RGS3: variants seen among roughly 807,000 people sequenced by gnomAD.
RGS3 encodes regulator of G-protein signalling 3.
Under a neutral mutation model 132.6 loss-of-function variants are expected in RGS3, and 80 were observed. The ratio of observed to expected loss-of-function variants is 0.60; its 90% CI spans 0.50 to 0.73. RGS3 has a LOEUF of 0.73. Ranked by LOEUF, RGS3 falls within the 30% of genes least tolerant of loss-of-function variation. The probability of loss-of-function intolerance (pLI) is 0.00; values close to 1 mark genes in which losing one functional copy is unlikely to be tolerated. For missense variants in RGS3, 1,382 were observed against 1,530.8 expected (o/e 0.90, Z 1.62); for synonymous variants, 598 against 620.6 (o/e 0.96, Z 0.54).
chr9:113,591,191 C>T lies in RGS3; in HGVS notation c.3016-142C>T. 1.5e-6 allele frequency: 1 copy of T among 686,204 alleles called. No homozygotes were observed. Among genetic ancestry groups the T allele is most frequent in the East Asian group, 2.6e-5 (1 of 37,742 alleles). The allele number at this position is 686,204 out of a possible 1,614,324, so 42.5% of individuals were successfully genotyped here. On this transcript the variant is annotated intron_variant, in intron 20 of 24. Coordinates refer to ENST00000350696, the Ensembl canonical transcript of RGS3. The surrounding 1 kb of genome is among the most constrained non-coding windows in gnomAD (Gnocchi z 4.4). ...GGCTGTTCCCAGCAGTGGGGTTTCC[C>T]TCCCTCACCTGTGTGCCGCGGGTGG...
chr9:113,574,497 C>T (rs996902864), intron 19 of RGS3, among the ~76,000 whole-genome samples: 5 of 152,224 alleles, frequency 3.3e-5, no homozygotes, highest in Admixed American at 2.0e-4. Flanking sequence ...AACACAGGCC[C>T]TGGCGCATGG....
At chr9:113,494,633 C>T (rs1644803641) in intron 7 of RGS3, among the ~76,000 whole-genome samples, 1 of 152,150 alleles carries the variant, frequency 6.6e-6, no homozygotes, top group Admixed American at 6.5e-5. Flanking sequence ...GCTACAGGCT[C>T]ATGCCACCAT....
chr9:113,550,069 CTAAA>C (rs1833270959), intron 19 of RGS3, among the ~76,000 whole-genome samples: 1 of 152,204 alleles, frequency 6.6e-6, no homozygotes, highest in Non-Finnish European at 1.5e-5. Context: ...GCATTCGACT[CTAAA>C]TAAATATTTG....
upstream of RGS3, among the ~76,000 whole-genome samples, chr9:113,456,830 C>A (rs931915372): frequency 6.6e-6 from 1 of 151,904 alleles, no homozygotes; most frequent in African/African-American, 2.4e-5. Context: ...GACAGAGTTT[C>A]GCTTTTGTCT....
At chr9:113,564,168 C>T (rs538560267) in intron 19 of RGS3, among the ~76,000 whole-genome samples, 1 of 152,196 alleles carries the variant, frequency 6.6e-6, no homozygotes, top group Non-Finnish European at 1.5e-5. Flanking sequence ...TGGTTAAGAG[C>T]GGGCATGGTG....
At chr9:113,481,463 G>A (rs939847555) in intron 4 of RGS3, among the ~76,000 whole-genome samples, 11 of 152,228 alleles carry the variant, frequency 7.2e-5, no homozygotes, top group South Asian at 6.2e-4. Context: ...ACTAGTAGGC[G>A]CCTGGGTCCT....
At chr9:113,594,262 G>C in intron 21 of RGS3, 168 bp from the exon 20 acceptor site, 1 of 1,611,232 alleles carries the variant, frequency 6.2e-7, no homozygotes, top group South Asian at 1.1e-5. Flanking sequence ...CCCCAAGGTG[G>C]GGGGCCCTAC....
chr9:113,596,388 T>C (rs964711999), intron 24 of RGS3, among the ~76,000 whole-genome samples: 2 of 152,252 alleles, frequency 1.3e-5, no homozygotes, highest in African/African-American at 2.4e-5. Flanking sequence ...AAGCACATTA[T>C]ATGGATGATC....
chr9:113,511,683 CT>C (rs1239073308), intron 14 of RGS3, among the ~76,000 whole-genome samples: 1 of 152,142 alleles, frequency 6.6e-6, no homozygotes, highest in Non-Finnish European at 1.5e-5. Flanking sequence ...CCCTGGGCCC[CT>C]GGGCTAGAGA....
chr9:113,514,635 T>C, exon 15 of RGS3: 1 of 1,613,758 alleles, frequency 6.2e-7, no homozygotes, highest in Non-Finnish European at 8.5e-7. Flanking sequence ...AAAGTCCTGG[T>C]GTTCCCTGTC....
At chr9:113,568,826 T>C (rs577902670) in intron 19 of RGS3, among the ~76,000 whole-genome samples, 102 of 152,094 alleles carry the variant, frequency 6.7e-4, no homozygotes, top group Middle Eastern at 6.8e-3. Flanking sequence ...CCTCAGGGAG[T>C]GCTGCCTGCC....
chr9:113,451,147 C>T (rs1162343566), intron 1 of RGS3, among the ~76,000 whole-genome samples: 2 of 151,266 alleles, frequency 1.3e-5, no homozygotes, highest in Non-Finnish European at 2.9e-5. Flanking sequence ...CACTGCACCT[C>T]CAGCCTGGGC....
chr9:113,460,179 G>A, upstream of RGS3: 1 of 1,189,098 alleles, frequency 8.4e-7, no homozygotes, highest in Non-Finnish European at 1.1e-6. Flanking sequence ...TATTGTTGAA[G>A]TTTATTTTTT....
chr9:113,511,609 C>G (rs183731266), intron 14 of RGS3, among the ~76,000 whole-genome samples: 1 of 152,270 alleles, frequency 6.6e-6, no homozygotes, highest in East Asian at 1.9e-4. Context: ...GACTTTTCCT[C>G]TCTGAAGGCA....
At chr9:113,451,210 G>A (rs1272871545) in intron 1 of RGS3, among the ~76,000 whole-genome samples, 1 of 151,876 alleles carries the variant, frequency 6.6e-6, no homozygotes, top group Non-Finnish European at 1.5e-5. Context: ...AAAGGTGGGG[G>A]CAGGCCTTCA....
At chr9:113,578,632 G>C (rs1165209278) in intron 19 of RGS3, among the ~76,000 whole-genome samples, 2 of 152,148 alleles carry the variant, frequency 1.3e-5, no homozygotes, top group Non-Finnish European at 2.9e-5. Flanking sequence ...TGGAGGAGCT[G>C]GGCTGACGCT....
Position 113,497,329 on chromosome 9 carries a change from TACTACCTCCTAGGGGAGCA to T in RGS3, c.767_785del (p.Tyr256SerfsTer8). On this transcript the variant is annotated frameshift_variant, in exon 9 of 25. Transcript: ENST00000350696. LOFTEE classifies it high-confidence loss of function. ...CTCGTGACAGGAGATCAGTGGTTGG[TACTACCTCCTAGGGGAGCA>T]CCTGGGCCGGACCAAGCACTTGAAG... is the stretch of plus-strand genomic sequence containing the variant. The T allele has an allele frequency of 6.2e-7, 1 of 1,612,816 alleles. No homozygotes were observed. Among genetic ancestry groups the T allele is most frequent in the South Asian group, 1.1e-5 (1 of 91,060 alleles).
In RGS3 at chr9:113,462,312, G is replaced by A. The variant is rs1486100574; in HGVS notation, c.415+111G>A. 9 of 611,368 alleles carry A rather than the reference G, an allele frequency of 1.5e-5. 2 individuals carry two copies. The highest frequency in any genetic ancestry group is 6.4e-5 in the Admixed American group (2 of 31,048). 37.9% of individuals were successfully genotyped at this position (611,368 alleles called of 1,614,324 possible). A position where few individuals can be genotyped will look rare whatever the true frequency, so the allele number is the denominator to read the frequency against. On this transcript the variant is annotated intron_variant, in intron 3 of 24. Transcript: ENST00000350696. ...GGGTTGGAGGGGGAGAGTGGGGTGG[G>A]GTGGGGGGGTGCAGTAAAGAGCAGG...
intron 10 of RGS3, among the ~76,000 whole-genome samples, chr9:113,504,818 G>A (rs1221594623): frequency 6.6e-6 from 1 of 152,264 alleles, no homozygotes; most frequent in Non-Finnish European, 1.5e-5. Context: ...TTCAGGTTCA[G>A]CCAGGAAGCC....
Sources: allele counts gnomAD v4.1 joint callset (sites outside exome capture counted in the v4.1 genomes callset), GRCh38; gene constraint gnomAD v4.1.1; non-coding constraint Gnocchi (gnomAD v3.1); transcripts MANE v1.5; gene names NCBI Gene and HGNC (gene_info 2026-07-23, HGNC 2026-07-21).